The following PIK3C2B variants were observed in gnomAD, a reference collection of about 807,000 sequenced individuals.
PIK3C2B encodes phosphatidylinositol-4-phosphate 3-kinase catalytic subunit type 2 beta, also known as phosphatidylinositol 4-phosphate 3-kinase C2 domain-containing subunit beta.
PIK3C2B carries 83 observed loss-of-function variants against 184.3 expected under a neutral mutation model. The observed-to-expected ratio is 0.45, with a 90% CI of 0.38 to 0.54. The LOEUF (loss-of-function observed/expected upper bound fraction) is 0.54, where lower values mean the gene tolerates loss of function less well. PIK3C2B is among the 20% of genes least tolerant of loss of function. The probability of loss-of-function intolerance (pLI) is 0.00; values close to 1 mark genes in which losing one functional copy is unlikely to be tolerated. For missense variants in PIK3C2B, 1,736 were observed against 2,113.5 expected, an observed-to-expected ratio of 0.82 and a Z score of 3.50; for synonymous variants, 779 against 837.6, an observed-to-expected ratio of 0.93 and a Z score of 1.21.
At chr1:204,444,612 C>T (rs3014632) in intron 16 of PIK3C2B, among the ~76,000 whole-genome samples, 188 bp from the exon 17 acceptor site, 135,988 of 152,026 alleles carry the variant, frequency 0.89, 62,463 homozygotes, top group Non-Finnish European at 1. Context: ...ATGAGCCTTC[C>T]TCACGGTCAG....
chr1:204,465,282 T>C lies in PIK3C2B; in HGVS notation c.971A>G (p.Glu324Gly). 1 of 1,592,008 alleles carries C rather than the reference T, an allele frequency of 6.3e-7. No individual in the cohort carries two copies. The highest frequency in any genetic ancestry group is 8.6e-7 in the Non-Finnish European group (1 of 1,167,466). ...SRPHTVANGH[E>G]LFEVSEERDE... ...TCTCTCTTCTGAGACCTCAAACAAC[T>C]CATGGCCATTGGCAACAGTGTGGGG... The change falls in exon 3 of 33, where the codon GAG becomes GGG. Residue 324 changes from glutamate to glycine, a missense_variant. Around this residue, in one of 8 missense-constraint regions of PIK3C2B, gnomAD observed 404 missense variants for 418.0 expected, o/e 0.97. Transcript: ENST00000684373.
At position 204,457,878 on chromosome 1, in the gene PIK3C2B, T is replaced by C. The variant is rs1369193935; in HGVS notation, c.1567-4A>G. The C allele has an allele frequency of 6.2e-7, 1 of 1,611,730 alleles. No individual in the cohort carries two copies. The highest frequency in any genetic ancestry group is 2.2e-5 in the East Asian group (1 of 44,832). ...CAGCCTTCAGTGGGAAGTCTCCCTG[T>C]GGGAGGTGGCACAGTGAGGCTGGCA... On this transcript the variant is annotated splice_region_variant and splice_polypyrimidine_tract_variant and intron_variant, in intron 8 of 32. Transcript: ENST00000684373.
intron 1 of PIK3C2B, among the ~76,000 whole-genome samples, chr1:204,474,252 A>G (rs1572385397): frequency 6.6e-6 from 1 of 151,964 alleles, no homozygotes; most frequent in South Asian, 2.1e-4. Context: ...CGGCCCCCCA[A>G]AGTGCTGGGA....
chr1:204,432,137 G>T (rs1572284994), intron 27 of PIK3C2B, 63 bp downstream of exon 27: 1 of 1,474,184 alleles, frequency 6.8e-7, no homozygotes, highest in Non-Finnish European at 9.5e-7. Flanking sequence ...AAAAAGTCAG[G>T]ATCCCAGCAA....
intron 5 of PIK3C2B, among the ~76,000 whole-genome samples, chr1:204,463,197 C>T (rs904463857): frequency 3.9e-5 from 6 of 152,188 alleles, no homozygotes; most frequent in African/African-American, 1.4e-4. Context: ...TTATAGGGCA[C>T]TCCTAAGAAG....
chr1:204,440,169 C>T (rs1675570068), intron 22 of PIK3C2B, 23 bp downstream of exon 22: 1 of 1,604,556 alleles, frequency 6.2e-7, no homozygotes, highest in Middle Eastern at 1.7e-4. Context: ...CCTCCTCCAC[C>T]CTCACCCCTA....
At chr1:204,463,178 C>G (rs1655473018) in intron 5 of PIK3C2B, among the ~76,000 whole-genome samples, 1 of 152,204 alleles carries the variant, frequency 6.6e-6, no homozygotes, top group Admixed American at 6.5e-5. Context: ...AAAAAGCAAG[C>G]AGTGGCACTT....
At position 204,457,881 on chromosome 1, in the gene PIK3C2B, G is replaced by A; in HGVS notation, c.1567-7C>T. ...CCTTCAGTGGGAAGTCTCCCTGTGG[G>A]AGGTGGCACAGTGAGGCTGGCAGGC... On this transcript the variant is annotated splice_region_variant and splice_polypyrimidine_tract_variant and intron_variant, in intron 8 of 32. Coordinates refer to ENST00000684373, the MANE Select transcript of PIK3C2B (RefSeq NM_001377334.1). 6.2e-7 allele frequency: 1 copy of A among 1,611,492 alleles called. No individual in the cohort carries two copies. The highest frequency in any genetic ancestry group is 1.1e-5 in the South Asian group (1 of 90,684).
chr1:204,434,212 C>T (rs1180224158), intron 24 of PIK3C2B, among the ~76,000 whole-genome samples: 1 of 152,156 alleles, frequency 6.6e-6, no homozygotes, highest in African/African-American at 2.4e-5. Flanking sequence ...GTTCATTTCC[C>T]TTTGTTCAGT....
At chr1:204,445,133 T>C (rs1558244156) in intron 16 of PIK3C2B, among the ~76,000 whole-genome samples, 1 of 151,590 alleles carries the variant, frequency 6.6e-6, no homozygotes, top group Non-Finnish European at 1.5e-5. Context: ...CACAGGCGTA[T>C]GCATTTGTCA....
intron 3 of PIK3C2B, 129 bp downstream of exon 3, chr1:204,465,090 T>TTC (rs1258480993): frequency 1.3e-5 from 9 of 676,504 alleles, no homozygotes; most frequent in Non-Finnish European, 2.4e-5. Flanking sequence ...AGGAAGCATT[T>TTC]TCATAGCTAT....
Position 204,424,897 on chromosome 1 carries a change from C to T in PIK3C2B, c.4860G>A (p.Lys1620=). 11 of 1,614,240 alleles carry T rather than the reference C, an allele frequency of 6.8e-6. No homozygotes were observed. The highest frequency in any genetic ancestry group is 9.3e-6 in the Non-Finnish European group (11 of 1,180,040). The change falls in exon 33 of 33, where the codon AAG becomes AAA. Residue 1620 remains lysine, a synonymous_variant. Coordinates refer to ENST00000684373, the MANE Select transcript of PIK3C2B (RefSeq NM_001377334.1). ...GAGATCCCAGGGCGAACCAGCCGGT[C>T]TTCTCCTGAGCCAGGTCCAGCTCTC... The part of the protein sequence containing the change: ...RLRELDLAQE[K]TGWFALGSRS...
At chr1:204,427,383 T>A (rs1376202442) in intron 31 of PIK3C2B, among the ~76,000 whole-genome samples, 1 of 152,208 alleles carries the variant, frequency 6.6e-6, no homozygotes, top group Non-Finnish European at 1.5e-5. Flanking sequence ...ATCCCCATAA[T>A]GACTCTATGA....
intron 4 of PIK3C2B, 111 bp from the exon 5 acceptor site, chr1:204,464,243 C>T: frequency 7.5e-7 from 1 of 1,326,148 alleles, no homozygotes. Context: ...GCACCATCAC[C>T]AACCAGATAA....
Position 204,469,311 on chromosome 1 carries a change from A to G in PIK3C2B, c.492T>C (p.Ser164=). 6.5e-7 allele frequency: 1 copy of G among 1,534,634 alleles called. No homozygotes were observed. Among genetic ancestry groups the G allele is most frequent in the Non-Finnish European group, 8.8e-7 (1 of 1,142,398 alleles). ...GAGGCAGGGGAGGGGTATCCCAGAT[A>G]GAAGCTCGGGGAGGCAGAGGAGGTG... is the stretch of plus-strand genomic sequence containing the variant. ...LSPPPLPPRA[S]IWDTPPLPPR... is the part of the protein sequence containing the mutation. The change falls in exon 2 of 33, where the codon TCT becomes TCC. Residue 164 remains serine (S), a synonymous_variant. Coordinates refer to ENST00000684373, the MANE Select transcript of PIK3C2B (RefSeq NM_001377334.1).
chr1:204,437,312 T>C (rs1002583240), intron 23 of PIK3C2B, among the ~76,000 whole-genome samples: 7 of 152,052 alleles, frequency 4.6e-5, no homozygotes, highest in African/African-American at 1.4e-4. Context: ...CTGGCCAACA[T>C]GGTGAAACCC....
intron 29 of PIK3C2B, chr1:204,429,016 G>A (rs1363811834): frequency 1.2e-5 from 5 of 414,798 alleles, no homozygotes; most frequent in Non-Finnish European, 2.4e-5. Flanking sequence ...TTGAGCTCAG[G>A]AGTCTGAGAC....
At chr1:204,434,635 G>A in intron 23 of PIK3C2B, 27 bp from the exon 24 acceptor site, 2 of 1,592,568 alleles carry the variant, frequency 1.3e-6, no homozygotes, top group South Asian at 2.2e-5. Flanking sequence ...CAGATGGGAG[G>A]AGAGGACATA....
chr1:204,482,604 G>A (rs1374265731), intron 1 of PIK3C2B, among the ~76,000 whole-genome samples: 1 of 152,126 alleles, frequency 6.6e-6, no homozygotes, highest in Non-Finnish European at 1.5e-5. Context: ...GGGCAACATG[G>A]TGAAACCCCG....
Sources: allele counts gnomAD v4.1 joint callset (sites outside exome capture counted in the v4.1 genomes callset), GRCh38; gene constraint gnomAD v4.1.1; regional missense constraint gnomAD v4.1.1; transcripts MANE v1.5; gene names NCBI Gene and HGNC (gene_info 2026-07-23, HGNC 2026-07-21).